Variants in NELL2 observed in about 807,000 individuals in gnomAD.
NELL2 encodes the protein protein kinase C-binding protein NELL2.
A neutral mutation model predicts 109.6 loss-of-function variants in NELL2; 41 were observed. The ratio of observed to expected loss-of-function variants is 0.37; its 90% CI spans 0.29 to 0.49. The LOEUF (loss-of-function observed/expected upper bound fraction) is 0.49, where lower values mean the gene tolerates loss of function less well. Ranked by LOEUF, NELL2 falls within the 20% of genes least tolerant of loss-of-function variation. The pLI is 0.98. For missense variants in NELL2, 900 were observed against 1,008.3 expected, an observed-to-expected ratio of 0.89 and a Z score of 1.45; for synonymous variants, 355 against 344.7, an observed-to-expected ratio of 1.03 and a Z score of -0.33.
At position 44,607,025 on chromosome 12, in the gene NELL2, C is replaced by T. The variant is rs1347865620; in HGVS notation, c.1663+144G>A. ...CAGCGAAATGCATCACTGAAACTTC[C>T]CACCTCCTCCCTCCTATCACTTCCT... On this transcript the variant is annotated intron_variant, in intron 15 of 19. Coordinates refer to ENST00000429094, the MANE Select transcript of NELL2 (RefSeq NM_001145108.2). 5 of 632,306 alleles carry T rather than the reference C, an allele frequency of 7.9e-6. 1 individual carries two copies. The East Asian group carries it at 1.6e-4, about 20-fold the overall frequency. The allele number at this position is 632,306 out of a possible 1,614,324, so 39.2% of individuals were successfully genotyped here.
intron 15 of NELL2, among the ~76,000 whole-genome samples, chr12:44,584,464 C>T (rs1312352701): frequency 6.6e-6 from 1 of 152,198 alleles, no homozygotes; most frequent in Non-Finnish European, 1.5e-5. Flanking sequence ...TGGTTTACAA[C>T]CAGCTCTTTC....
intron 2 of NELL2, among the ~76,000 whole-genome samples, chr12:44,835,780 A>T (rs1944036664): frequency 6.6e-6 from 1 of 152,210 alleles, no homozygotes; most frequent in Non-Finnish European, 1.5e-5. Flanking sequence ...TGGTGGGCAG[A>T]GGAGAAATGC....
At chr12:44,799,597 G>T (rs936410137) in intron 3 of NELL2, among the ~76,000 whole-genome samples, 2 of 151,850 alleles carry the variant, frequency 1.3e-5, no homozygotes, top group Non-Finnish European at 2.9e-5. Context: ...TCTAATGTCC[G>T]AAATGGTCAT....
chr12:44,738,617 T>C (rs73285437), intron 9 of NELL2, among the ~76,000 whole-genome samples: 8,153 of 152,042 alleles, frequency 0.054, 688 homozygotes, highest in African/African-American at 0.18. Flanking sequence ...GTCAAACTCA[T>C]AGAAGCAAAG....
chr12:44,917,501 T>C (rs1370048100), upstream of NELL2, among the ~76,000 whole-genome samples: 4 of 152,166 alleles, frequency 2.6e-5, no homozygotes, highest in Non-Finnish European at 5.9e-5. Context: ...CTTCTCTAGG[T>C]ATATGTGGTG....
At chr12:44,626,686 A>C (rs547622738) in intron 13 of NELL2, among the ~76,000 whole-genome samples, 1 of 152,286 alleles carries the variant, frequency 6.6e-6, no homozygotes, top group South Asian at 2.1e-4. Context: ...TGTCGGCTGC[A>C]TCTCTCACCA....
At position 44,668,438 on chromosome 12, in the gene NELL2, C is replaced by G. The variant is rs558504815; in HGVS notation, c.1319-2829G>C. Among the ~76,000 whole-genome samples, 255 of 152,228 alleles carry G rather than the reference C, an allele frequency of 1.7e-3. 2 individuals carry two copies. The highest frequency in any genetic ancestry group is 5.8e-3 in the African/African-American group (241 of 41,548). ...GGCTTGTCCCACCCAATGCCCCTGC[C>G]ATCAGCACCCAAATGCTTTATCCAG... On this transcript the variant is annotated intron_variant, in intron 12 of 19. Transcript: ENST00000429094.
At chr12:44,560,694 TACCA>T (rs2136181289) in intron 15 of NELL2, among the ~76,000 whole-genome samples, 1 of 152,268 alleles carries the variant, frequency 6.6e-6, no homozygotes, top group South Asian at 2.1e-4. Flanking sequence ...ATTAATAGCC[TACCA>T]ACCAAAGAAA....
intron 15 of NELL2, among the ~76,000 whole-genome samples, chr12:44,592,599 A>T (rs931333798): frequency 2.6e-5 from 4 of 152,170 alleles, no homozygotes; most frequent in Non-Finnish European, 5.9e-5. Flanking sequence ...TCCAGGGAAA[A>T]TGGAGGGCTG....
intron 2 of NELL2, among the ~76,000 whole-genome samples, chr12:44,817,091 A>G (rs1201079866): frequency 1.3e-5 from 2 of 152,178 alleles, no homozygotes; most frequent in Non-Finnish European, 2.9e-5. Context: ...TAGAGAGGAC[A>G]ATCCTTCTTT....
chr12:44,788,153 G>A (rs1202177458), intron 3 of NELL2, among the ~76,000 whole-genome samples: 1 of 152,140 alleles, frequency 6.6e-6, no homozygotes, highest in Non-Finnish European at 1.5e-5. Flanking sequence ...ATGGCGATGG[G>A]AGGCAGGACT....
intron 12 of NELL2, among the ~76,000 whole-genome samples, chr12:44,689,080 C>T (rs1022452345): frequency 6.6e-6 from 1 of 152,142 alleles, no homozygotes; most frequent in Non-Finnish European, 1.5e-5. Flanking sequence ...TGAGGTTGCC[C>T]TTCAAAGTCT....
At chr12:44,671,383 T>A (rs1471165198) in intron 12 of NELL2, among the ~76,000 whole-genome samples, 1 of 151,896 alleles carries the variant, frequency 6.6e-6, no homozygotes, top group Admixed American at 6.5e-5. Context: ...CTCAAGGAAC[T>A]GCAAAAGTGA....
intron 19 of NELL2, among the ~76,000 whole-genome samples, chr12:44,512,509 T>C (rs1271650083): frequency 6.6e-6 from 1 of 152,052 alleles, no homozygotes; most frequent in African/African-American, 2.4e-5. Context: ...AATCAGTATA[T>C]TGAAGATATA....
At chr12:44,884,861 A>G (rs1160889579) in intron 1 of NELL2, among the ~76,000 whole-genome samples, 3 of 152,102 alleles carry the variant, frequency 2.0e-5, no homozygotes, top group Admixed American at 2.0e-4. Flanking sequence ...TAAAATAAAT[A>G]ATTCACTGCA....
chr12:44,881,243 A>G (rs938202307), upstream of NELL2, among the ~76,000 whole-genome samples: 1 of 151,988 alleles, frequency 6.6e-6, no homozygotes, highest in Non-Finnish European at 1.5e-5. Context: ...GCATATGGAG[A>G]ACTAGAAAAA....
At chr12:44,745,385 T>A (rs955308588) in intron 9 of NELL2, among the ~76,000 whole-genome samples, 2 of 152,132 alleles carry the variant, frequency 1.3e-5, no homozygotes, top group Non-Finnish European at 2.9e-5. Flanking sequence ...CTTTGAAAAC[T>A]GGCACAAGAC....
At chr12:44,812,695 G>T (rs1323452619) in intron 3 of NELL2, among the ~76,000 whole-genome samples, 2 of 152,052 alleles carry the variant, frequency 1.3e-5, no homozygotes, top group Admixed American at 1.3e-4. Context: ...TCCAATACAA[G>T]CCATAACAGA....
chr12:44,881,567 C>A (rs984375053), intron 1 of NELL2, among the ~76,000 whole-genome samples: 1 of 151,872 alleles, frequency 6.6e-6, no homozygotes. Context: ...AGCTCGAAGA[C>A]AGATCAATTA....
Sources: gnomAD v4.1 joint callset for allele counts (sites outside exome capture counted in the v4.1 genomes callset) on GRCh38, gnomAD v4.1.1 for gene constraint, MANE v1.5 for transcripts, NCBI Gene and HGNC (gene_info 2026-07-23, HGNC 2026-07-21) for gene names.